KCNH2: variants seen among roughly 807,000 people sequenced by gnomAD.
KCNH2 encodes the protein voltage-gated inwardly rectifying potassium channel KCNH2.
In KCNH2, 35 loss-of-function variants were observed where a neutral mutation model predicts 95.9. That is an observed-to-expected ratio of 0.37 (90% CI 0.28 to 0.48). The LOEUF (loss-of-function observed/expected upper bound fraction) is 0.48. Ranked by LOEUF, KCNH2 falls within the 20% of genes least tolerant of loss-of-function variation. The pLI is 0.99. For missense variants in KCNH2, 1,274 were observed against 1,702.9 expected (o/e 0.75, Z 4.43); for synonymous variants, 786 against 754.7 (o/e 1.04, Z -0.68).
rs199473009 is a variant in KCNH2 at position 150,947,800 on chromosome 7, C to T, written c.2771G>A (p.Gly924Glu). 22 of 1,530,568 alleles carry T rather than the reference C, an allele frequency of 1.4e-5. No homozygotes were observed. In the East Asian group the frequency reaches 2.9e-4, roughly 20 times the overall value. The allele number at this position is 1,530,568 out of a possible 1,614,324, so 94.8% of individuals were successfully genotyped here. A position where few individuals can be genotyped will look rare whatever the true frequency, so the allele number is the denominator to read the frequency against. ...GGACGGGCTCTCCCCCCACGGCCCCCCCGGCCGGCCCCGGCTACTCGGCCC... is the reference window on the plus strand; with the variant it reads ...GGACGGGCTCTCCCCCCACGGCCCCTCCGGCCGGCCCCGGCTACTCGGCCC... ...GAGPSSRGRP[G>E]GPWGESPSSG... Residue 924 changes from glycine to glutamate, a missense_variant, in exon 12 of 15, where the codon GGG becomes GAG. This residue lies in a region of KCNH2 where 457 missense variants were observed against 416.1 expected (regional missense o/e 1.10). Transcript: ENST00000262186.
intron 2 of KCNH2, among the ~76,000 whole-genome samples, chr7:150,964,382 G>A (rs1238093938): frequency 6.6e-6 from 1 of 152,162 alleles, no homozygotes; most frequent in East Asian, 1.9e-4. Context: ...CAGGACCCCA[G>A]TTTGATGCAT....
At chr7:150,950,848 T>C in intron 8 of KCNH2, 73 bp downstream of exon 8, 3 of 1,474,730 alleles carry the variant, frequency 2.0e-6, no homozygotes, top group Non-Finnish European at 1.9e-6. Flanking sequence ...TTGTTTGCTG[T>C]GCCAAGAGGT....
rs551993512 is a variant in KCNH2 at position 150,962,779 on chromosome 7, C to T, written c.308-3043G>A. Among the ~76,000 whole-genome samples, 112 of 152,136 alleles carry T rather than the reference C, an allele frequency of 7.4e-4. 1 individual carries two copies. The highest frequency in any genetic ancestry group is 2.5e-3 in the African/African-American group (104 of 41,490). On this transcript the variant is annotated intron_variant, in intron 2 of 14. Coordinates refer to ENST00000262186, the MANE Select transcript of KCNH2 (RefSeq NM_000238.4). The surrounding 1 kb of genome is among the most constrained non-coding windows in gnomAD (Gnocchi z 5.7). ...CCCTGCCTGATGGCAGGGGCTGGGG[C>T]GGGGGAGATCTAGCGATCATCAAGG...
chr7:150,970,395 G>C (rs1801810606), intron 2 of KCNH2, among the ~76,000 whole-genome samples: 1 of 152,062 alleles, frequency 6.6e-6, no homozygotes, highest in Non-Finnish European at 1.5e-5. Flanking sequence ...TCCGGGGGCT[G>C]CAGAAGACGC....
chr7:150,950,394 C>T lies in KCNH2; in HGVS notation c.2172G>A (p.Leu724=), dbSNP rs1249507965. Residue 724 remains leucine, a synonymous_variant, in exon 9 of 15, where the codon CTG becomes CTA. Transcript: ENST00000262186. ...TCAGGTGCAGGCAGATGTCAGCCTG[C>T]AGGCACTCAGGGAAGCCCTTCAGCA... ...NAVLKGFPEC[L]QADICLHLNR... 6.2e-7 allele frequency: 1 copy of T among 1,612,222 alleles called. No homozygotes were observed. The highest frequency in any genetic ancestry group is 1.3e-5 in the African/African-American group (1 of 74,890).
chr7:150,973,006 C>T (rs909791287), intron 2 of KCNH2, among the ~76,000 whole-genome samples: 4 of 152,304 alleles, frequency 2.6e-5, no homozygotes, highest in Admixed American at 1.3e-4. Context: ...TTACAGAGCA[C>T]GGCCCGTTGC....
In KCNH2 at chr7:150,974,775, C is replaced by T. The variant is rs199472849; in HGVS notation, c.243G>A (p.Gln81=). 1.9e-6 allele frequency: 3 copies of T among 1,606,534 alleles called. No individual in the cohort carries two copies. The highest frequency in any genetic ancestry group is 1.1e-5 in the South Asian group (1 of 90,352). The change falls in exon 2 of 15, where the codon CAG becomes CAA. Residue 81 remains glutamine (Q), a synonymous_variant. Transcript: ENST00000262186. ...GPRTQRRAAA[Q]IAQALLGAEE... ...CGGCGCCCAGCAGTGCCTGCGCGAT[C>T]TGCGCGGCAGCGCGGCGCTGCGTGC... is the stretch of plus-strand genomic sequence containing the variant.
intron 9 of KCNH2, chr7:150,949,641 G>A (rs1261535883): frequency 1.8e-6 from 2 of 1,116,116 alleles, no homozygotes; most frequent in Admixed American, 4.6e-5. Context: ...TATCTGCCCT[G>A]AGGCACACAG....
intron 5 of KCNH2, 106 bp downstream of exon 5, chr7:150,957,185 C>A (rs1398112816): frequency 8.7e-6 from 8 of 917,636 alleles, no homozygotes; most frequent in Middle Eastern, 2.7e-4. Flanking sequence ...CTCCAAGAGG[C>A]CCTCACTGGC....
chr7:150,975,105 T>C (rs949395032), intron 1 of KCNH2, among the ~76,000 whole-genome samples, 164 bp from the exon 2 acceptor site: 1 of 151,976 alleles, frequency 6.6e-6, no homozygotes, highest in Admixed American at 6.6e-5. Flanking sequence ...GCTGTGCGTG[T>C]GCCCCGATAC....
Position 150,945,445 on chromosome 7 carries a change from G to C in KCNH2, c.3400C>G (p.Arg1134Gly). The C allele has an allele frequency of 6.4e-7, 1 of 1,567,008 alleles. No homozygotes were observed. The highest frequency in any genetic ancestry group is 1.2e-5 in the South Asian group (1 of 85,250). Reference sequence around the variant, plus strand: ...AGCTGGCCCGGTAGGGAGAGGCGTCGTGTGGGGCCTTCTTGGGGAAGCTCT... The same window carrying C: ...AGCTGGCCCGGTAGGGAGAGGCGTCCTGTGGGGCCTTCTTGGGGAAGCTCT... Reference protein sequence around the residue: ...APELPQEGPTRRLSLPGQLGA... With the variant: ...APELPQEGPTGRLSLPGQLGA... The change falls in exon 15 of 15, where the codon CGA becomes GGA. Residue 1134 changes from arginine to glycine, a missense_variant. This residue lies in a region of KCNH2 where 457 missense variants were observed against 416.1 expected (regional missense o/e 1.10). Coordinates refer to ENST00000262186, the MANE Select transcript of KCNH2 (RefSeq NM_000238.4). This position sits in a 1 kb window ranked among gnomAD's most constrained non-coding sequence, Gnocchi z 5.6.
intron 2 of KCNH2, 64 bp from the exon 3 acceptor site, chr7:150,959,800 A>G (rs1801505351): frequency 6.3e-7 from 1 of 1,596,314 alleles, no homozygotes; most frequent in Non-Finnish European, 8.6e-7. Flanking sequence ...AAAGCCACGC[A>G]GGATGGACCC....
chr7:150,952,304 C>G lies in KCNH2; in HGVS notation c.1557+121G>C. The G allele has an allele frequency of 9.0e-7, 1 of 1,110,512 alleles. No individual in the cohort carries two copies. Among genetic ancestry groups the G allele is most frequent in the Non-Finnish European group, 1.3e-6 (1 of 758,862 alleles). The allele number at this position is 1,110,512 out of a possible 1,614,324, so 68.8% of individuals were successfully genotyped here. A position where few individuals can be genotyped will look rare whatever the true frequency, so the allele number is the denominator to read the frequency against. On this transcript the variant is annotated intron_variant, in intron 6 of 14. Transcript: ENST00000262186. This position sits in a 1 kb window ranked among gnomAD's most constrained non-coding sequence, Gnocchi z 7.3. ...ACCATGTCTCTCTCCCACTGTCTTT[C>G]TCTCTTTCTCTCTCTCTCTCTTTTT...
chr7:150,969,952 C>A (rs1563184380), intron 2 of KCNH2, among the ~76,000 whole-genome samples: 1 of 152,162 alleles, frequency 6.6e-6, no homozygotes, highest in Non-Finnish European at 1.5e-5. Context: ...ACATTCATCA[C>A]CTGTCCCAGC....
chr7:150,947,135 A>AT (rs1270967492), intron 13 of KCNH2, 81 bp from the exon 14 acceptor site: 5 of 226,000 alleles, frequency 2.2e-5, no homozygotes, highest in Non-Finnish European at 4.2e-5. Flanking sequence ...GGGGAAGGGG[A>AT]GGGGGGAGGG....
chr7:150,952,269 C>T lies in KCNH2; in HGVS notation c.1557+156G>A, dbSNP rs1563159313. Among the ~76,000 whole-genome samples the T allele has an allele frequency of 2.0e-5, 3 of 152,268 alleles. No individual in the cohort carries two copies. Among genetic ancestry groups the T allele is most frequent in the South Asian group, 4.1e-4 (2 of 4,822 alleles). Reference sequence around the variant, plus strand: ...TGGGGTACCCACCTTGCCTCTGCAGCTGCCTTGCCACCATGTCTCTCTCCC... The same window carrying T: ...TGGGGTACCCACCTTGCCTCTGCAGTTGCCTTGCCACCATGTCTCTCTCCC... On this transcript the variant is annotated intron_variant, in intron 6 of 14. Coordinates refer to ENST00000262186, the MANE Select transcript of KCNH2 (RefSeq NM_000238.4). This position sits in a 1 kb window ranked among gnomAD's most constrained non-coding sequence, Gnocchi z 7.3.
chr7:150,949,161 C>A, intron 9 of KCNH2, 112 bp from the exon 10 acceptor site: 1 of 1,134,088 alleles, frequency 8.8e-7, no homozygotes, highest in South Asian at 1.4e-5. Context: ...TCAGCTGGGT[C>A]GCCTGCCAGC....
intron 1 of KCNH2, among the ~76,000 whole-genome samples, chr7:150,975,320 A>T (rs969469013): frequency 6.6e-6 from 1 of 152,164 alleles, no homozygotes; most frequent in African/African-American, 2.4e-5. Context: ...GAGCCTGGGA[A>T]AGGCCAGAGA....
chr7:150,949,611 A>C, intron 9 of KCNH2: 1 of 1,081,570 alleles, frequency 9.2e-7, no homozygotes, highest in Non-Finnish European at 1.1e-6. Flanking sequence ...ACCATCAACT[A>C]TGGTCGAAAG....
Sources: allele counts gnomAD v4.1 joint callset (sites outside exome capture counted in the v4.1 genomes callset), GRCh38; gene constraint gnomAD v4.1.1; regional missense constraint gnomAD v4.1.1; non-coding constraint Gnocchi (gnomAD v3.1); transcripts MANE v1.5; gene names NCBI Gene and HGNC (gene_info 2026-07-23, HGNC 2026-07-21).